STK25: variants seen among roughly 807,000 people sequenced by gnomAD.
The protein encoded by STK25 is serine/threonine-protein kinase 25.
STK25 carries 29 observed loss-of-function variants against 53.8 expected under a neutral mutation model. The observed-to-expected ratio is 0.54, with a 90% CI of 0.40 to 0.74. STK25 has a LOEUF of 0.74. STK25 is among the 30% of genes least tolerant of loss of function. The pLI, the probability that STK25 is intolerant of heterozygous loss-of-function variation, is 0.00. For missense variants in STK25, 420 were observed against 568.0 expected (o/e 0.74, Z 2.65); for synonymous variants, 247 against 238.3 (o/e 1.04, Z -0.33).
At position 241,496,371 on chromosome 2, in the gene STK25, C is replaced by T. The variant is rs760060246; in HGVS notation, c.1241+27G>A. On this transcript the variant is annotated intron_variant, in intron 11 of 11. Coordinates refer to ENST00000316586, the MANE Select transcript of STK25 (RefSeq NM_001271977.2). This position sits in a 1 kb window ranked among gnomAD's most constrained non-coding sequence, Gnocchi z 5.8. ...CAGCTTCTTGGTGGGGGTGCTCTCCCCGACCCTATGGCACGGCCGCCCTCA... is the reference window on the plus strand; with the variant it reads ...CAGCTTCTTGGTGGGGGTGCTCTCCTCGACCCTATGGCACGGCCGCCCTCA... 1.9e-6 allele frequency: 3 copies of T among 1,603,966 alleles called. No individual in the cohort carries two copies. The highest frequency in any genetic ancestry group is 2.7e-5 in the African/African-American group (2 of 74,712).
At position 241,493,914 on chromosome 2, in the gene STK25, CTT is replaced by C; in HGVS notation, c.*1746_*1747del. 1.2e-6 allele frequency: 1 copy of C among 812,088 alleles called. No individual in the cohort carries two copies. Among genetic ancestry groups the C allele is most frequent in the Non-Finnish European group, 1.8e-6 (1 of 547,192 alleles). 50.3% of individuals were successfully genotyped at this position (812,088 alleles called of 1,614,324 possible). On this transcript the variant is annotated 3_prime_UTR_variant, in exon 12 of 12. Coordinates refer to ENST00000316586, the MANE Select transcript of STK25 (RefSeq NM_001271977.2). ...ACCCGGCCCCAGGTTTTTAACCCTT[CTT>C]TTGTCCTGCTTGTCCCATATCCTGG...
chr2:241,499,134 G>C lies in STK25; in HGVS notation c.626C>G (p.Ala209Gly). The change falls in exon 7 of 12, where the codon GCC (alanine) becomes GGC (glycine). Residue 209 changes from alanine to glycine, a missense_variant. Coordinates refer to ENST00000316586, the MANE Select transcript of STK25 (RefSeq NM_001271977.2). Reference sequence around the variant, plus strand: ...GTCAGAGTTTGGAGGCTCCCCCTTGGCCAGCTCGATGGCTGTGATCCCCAG... The same window carrying C: ...GTCAGAGTTTGGAGGCTCCCCCTTGCCCAGCTCGATGGCTGTGATCCCCAG... Reference protein sequence around the residue: ...WSLGITAIELAKGEPPNSDLH... With the variant: ...WSLGITAIELGKGEPPNSDLH... 1 of 1,613,838 alleles carries C rather than the reference G, an allele frequency of 6.2e-7. No homozygotes were observed. Among genetic ancestry groups the C allele is most frequent in the Non-Finnish European group, 8.5e-7 (1 of 1,179,824 alleles).
Position 241,501,127 on chromosome 2 carries a change from C to T in STK25, c.262-331G>A. ...GCATGTGACCCGACACACCCATCACCCTCCTGGGCAGGATGGCCACAGCGT... is the reference window on the plus strand; with the variant it reads ...GCATGTGACCCGACACACCCATCACTCTCCTGGGCAGGATGGCCACAGCGT... On this transcript the variant is annotated intron_variant, in intron 3 of 11. Coordinates refer to ENST00000316586, the MANE Select transcript of STK25 (RefSeq NM_001271977.2). The surrounding 1 kb of genome is among the most constrained non-coding windows in gnomAD (Gnocchi z 5.3). 1.8e-6 allele frequency: 1 copy of T among 549,108 alleles called. No homozygotes were observed. The highest frequency in any genetic ancestry group is 3.3e-6 in the Non-Finnish European group (1 of 304,020). 34.0% of individuals were successfully genotyped at this position (549,108 alleles called of 1,614,324 possible).
chr2:241,501,861 C>T lies in STK25; in HGVS notation c.31-153G>A. On this transcript the variant is annotated intron_variant, in intron 2 of 11. Coordinates refer to ENST00000316586, the MANE Select transcript of STK25 (RefSeq NM_001271977.2). This position sits in a 1 kb window ranked among gnomAD's most constrained non-coding sequence, Gnocchi z 5.3. ...ATTCTTCTCTGGTTTCTTCCTTTCT[C>T]CCTTTTTGTTCAAAAACTAAACTTG... The T allele has an allele frequency of 1.6e-6, 1 of 619,254 alleles. No individual in the cohort carries two copies. The highest frequency in any genetic ancestry group is 2.0e-5 in the South Asian group (1 of 50,574). 38.4% of individuals were successfully genotyped at this position (619,254 alleles called of 1,614,324 possible).
Position 241,493,816 on chromosome 2 carries a change from C to T in STK25, c.*1846G>A, listed in dbSNP as rs1161770982. 3.9e-6 allele frequency: 2 copies of T among 516,342 alleles called. No homozygotes were observed. The highest frequency in any genetic ancestry group is 6.9e-6 in the Non-Finnish European group (2 of 288,320). The allele number at this position is 516,342 out of a possible 1,614,324, so 32.0% of individuals were successfully genotyped here. On this transcript the variant is annotated 3_prime_UTR_variant, in exon 12 of 12. Coordinates refer to ENST00000316586, the MANE Select transcript of STK25 (RefSeq NM_001271977.2). The stretch of plus-strand genomic sequence containing the variant: ...TTCACCATGTTGGCCAGGCTGGTCT[C>T]GAACTCCTGACCTCAAGTGATCCAT...
rs200606197 is a variant in STK25 at position 241,499,103 on chromosome 2, G to A, written c.657C>T (p.His219=). 3.7e-6 allele frequency: 6 copies of A among 1,614,116 alleles called. No homozygotes were observed. In the East Asian group the frequency reaches 1.1e-4, roughly 30 times the overall value. ...GAATCAGGAACAGGACGCGCATGGG[G>A]TGGAGGTCAGAGTTTGGAGGCTCCC... ...AKGEPPNSDL[H]PMRVLFLIPK... is the part of the protein sequence containing the mutation. The change falls in exon 7 of 12, where the codon CAC becomes CAT. Residue 219 remains histidine (H), a synonymous_variant. Transcript: ENST00000316586.
At position 241,493,178 on chromosome 2, in the gene STK25, G is replaced by A. The variant is rs1426875909; in HGVS notation, c.*2484C>T. The stretch of plus-strand genomic sequence containing the variant: ...CCTGTGCTGTGTGAACAGGGAAACT[G>A]GCTCCCTTGGCCCGTGGGCATTTGT... On this transcript the variant is annotated 3_prime_UTR_variant, in exon 12 of 12. Coordinates refer to ENST00000316586, the MANE Select transcript of STK25 (RefSeq NM_001271977.2). 3 of 1,292,026 alleles carry A rather than the reference G, an allele frequency of 2.3e-6. No homozygotes were observed. The highest frequency in any genetic ancestry group is 3.3e-6 in the Non-Finnish European group (3 of 906,386). The allele number at this position is 1,292,026 out of a possible 1,614,324, so 80.0% of individuals were successfully genotyped here.
intron 2 of STK25, among the ~76,000 whole-genome samples, chr2:241,505,352 C>T (rs889832047): frequency 6.6e-5 from 10 of 152,152 alleles, no homozygotes; most frequent in Non-Finnish European, 1.0e-4. Flanking sequence ...CCGGAAAGAC[C>T]CCAAGGGAGT....
In STK25 at chr2:241,493,193, TGGGCATTTGTACGTGCCACC is replaced by T; in HGVS notation, c.*2449_*2468del. ...CAGGGAAACTGGCTCCCTTGGCCCGTGGGCATTTGTACGTGCCACCGTTGTGCAGGTAGCAGAGGAATGGG... is the reference window on the plus strand; with the variant it reads ...CAGGGAAACTGGCTCCCTTGGCCCGTGTTGTGCAGGTAGCAGAGGAATGGG... On this transcript the variant is annotated 3_prime_UTR_variant, in exon 12 of 12. Transcript: ENST00000316586. The T allele has an allele frequency of 7.2e-7, 1 of 1,389,326 alleles. No homozygotes were observed. Among genetic ancestry groups the T allele is most frequent in the Non-Finnish European group, 1.0e-6 (1 of 991,272 alleles). 86.1% of individuals were successfully genotyped at this position (1,389,326 alleles called of 1,614,324 possible). A position where few individuals can be genotyped will look rare whatever the true frequency, so the allele number is the denominator to read the frequency against.
chr2:241,493,054 G>C lies in STK25; in HGVS notation c.*2608C>G, dbSNP rs757762474. ...CTCATCAGGTACTGGAGTTTCACTG[G>C]AGCCCAATGCAGGTGATGCTAGCAG... On this transcript the variant is annotated 3_prime_UTR_variant, in exon 12 of 12. Transcript: ENST00000316586. 3.6e-6 allele frequency: 5 copies of C among 1,389,204 alleles called. No individual in the cohort carries two copies. Among genetic ancestry groups the C allele is most frequent in the Non-Finnish European group, 5.1e-6 (5 of 974,360 alleles). 86.1% of individuals were successfully genotyped at this position (1,389,204 alleles called of 1,614,324 possible).
At chr2:241,500,006 T>G in intron 5 of STK25, 167 bp downstream of exon 5, 1 of 704,000 alleles carries the variant, frequency 1.4e-6, no homozygotes, top group South Asian at 1.5e-5. Context: ...AAGTAGTATC[T>G]TCTGGAAAGG....
Position 241,501,411 on chromosome 2 carries a change from G to T in STK25, c.261+67C>A. ...CTTGCACCCTCTGGCATGTCACTCA[G>T]TCCCTCTGACATGGAAGAGAGCCGG... is the stretch of plus-strand genomic sequence containing the variant. On this transcript the variant is annotated intron_variant, in intron 3 of 11. Coordinates refer to ENST00000316586, the MANE Select transcript of STK25 (RefSeq NM_001271977.2). The surrounding 1 kb of genome is among the most constrained non-coding windows in gnomAD (Gnocchi z 5.3). The T allele has an allele frequency of 6.7e-7, 1 of 1,497,678 alleles. No homozygotes were observed. The highest frequency in any genetic ancestry group is 9.2e-7 in the Non-Finnish European group (1 of 1,087,490). 92.8% of individuals were successfully genotyped at this position (1,497,678 alleles called of 1,614,324 possible).
At position 241,501,035 on chromosome 2, in the gene STK25, A is replaced by G. The variant is rs2065477636; in HGVS notation, c.262-239T>C. The G allele has an allele frequency of 3.4e-6, 2 of 586,026 alleles. No homozygotes were observed. The highest frequency in any genetic ancestry group is 3.0e-6 in the Non-Finnish European group (1 of 328,546). 36.3% of individuals were successfully genotyped at this position (586,026 alleles called of 1,614,324 possible). ...CAGCAGTGGCTGACTCCACTTCACC[A>G]AGACCCCATCAAAAACCAGGCTGCT... is the stretch of plus-strand genomic sequence containing the variant. On this transcript the variant is annotated intron_variant, in intron 3 of 11. Transcript: ENST00000316586. The surrounding 1 kb of genome is among the most constrained non-coding windows in gnomAD (Gnocchi z 5.3).
At chr2:241,508,844 C>T, upstream of STK25, 2 of 740,470 alleles carry the variant, frequency 2.7e-6, no homozygotes, top group Non-Finnish European at 3.3e-6. Flanking sequence ...GTCGTTGTCG[C>T]GTCGCGCCCT....
At position 241,498,345 on chromosome 2, in the gene STK25, C is replaced by A. The variant is rs1350392086; in HGVS notation, c.922G>T (p.Gly308Cys). The change falls in exon 9 of 12, where the codon GGC becomes TGC. Residue 308 changes from glycine to cysteine, a missense_variant. Transcript: ENST00000316586. ...CCCTGCTCCCCGTCCTCCGCCTCGC[C>A]ATCACTGAAGAGGATGAGGAGTTGC... ...ESSSEDSDIDGEAEDGEQGPI... is the reference protein window; with the variant it reads ...ESSSEDSDIDCEAEDGEQGPI... 6.3e-7 allele frequency: 1 copy of A among 1,585,494 alleles called. No homozygotes were observed.
chr2:241,499,512 A>G (rs1017351449), intron 5 of STK25, 98 bp from the exon 6 acceptor site: 55 of 1,433,568 alleles, frequency 3.8e-5, no homozygotes, highest in Middle Eastern at 2.0e-4. Context: ...CTGGCCTCCT[A>G]GGGCACAGCA....
rs530229144 is a variant in STK25, at chr2:241,501,752, C to A, written c.31-44G>T. ...GACAGAGGGCAGACAGCGCCGGTCA[C>A]AAGAGGCGGGGGACAGGCAGAGGCT... On this transcript the variant is annotated intron_variant, in intron 2 of 11. Transcript: ENST00000316586. This position sits in a 1 kb window ranked among gnomAD's most constrained non-coding sequence, Gnocchi z 5.3. 1.3e-6 allele frequency: 2 copies of A among 1,522,240 alleles called. No homozygotes were observed. Among genetic ancestry groups the A allele is most frequent in the East Asian group, 4.5e-5 (2 of 44,224 alleles). 94.3% of individuals were successfully genotyped at this position (1,522,240 alleles called of 1,614,324 possible).
intron 2 of STK25, among the ~76,000 whole-genome samples, chr2:241,503,075 T>A (rs909423742): frequency 1.8e-4 from 27 of 152,110 alleles, no homozygotes; most frequent in Admixed American, 1.3e-3. Flanking sequence ...CTTTTTTAAA[T>A]GTTTTTGAGA....
In STK25 at chr2:241,493,365, C is replaced by A. The variant is rs762443520; in HGVS notation, c.*2297G>T. On this transcript the variant is annotated 3_prime_UTR_variant, in exon 12 of 12. Coordinates refer to ENST00000316586, the MANE Select transcript of STK25 (RefSeq NM_001271977.2). ...CATCCCCAGGGAGGCCGATGGCATA[C>A]ACAAAGACTATGTTTTCAAGCTCCA... The A allele has an allele frequency of 1.9e-5, 30 of 1,613,882 alleles. No individual in the cohort carries two copies. The highest frequency in any genetic ancestry group is 2.4e-5 in the Non-Finnish European group (28 of 1,179,968).
Sources: allele counts gnomAD v4.1 joint callset (sites outside exome capture counted in the v4.1 genomes callset), GRCh38; gene constraint gnomAD v4.1.1; non-coding constraint Gnocchi (gnomAD v3.1); transcripts MANE v1.5; gene names NCBI Gene and HGNC (gene_info 2026-07-23, HGNC 2026-07-21).